Variants in FMN2 observed in about 807,000 individuals in gnomAD.
FMN2 encodes the protein formin 2.
FMN2 carries 51 observed loss-of-function variants against 142.3 expected under a neutral mutation model. The observed-to-expected ratio is 0.36, with a 90% CI of 0.29 to 0.45. The LOEUF (loss-of-function observed/expected upper bound fraction) is 0.45, where lower values mean the gene tolerates loss of function less well. Among genes scored for constraint, FMN2 ranks in the 20% least tolerant of loss-of-function variants. FMN2 has a pLI of 1.00. For missense variants in FMN2, 1,936 were observed against 2,122.8 expected (o/e 0.91, Z 1.73); for synonymous variants, 882 against 869.8 (o/e 1.01, Z -0.25).
intron 2 of FMN2, among the ~76,000 whole-genome samples, chr1:240,125,897 G>A (rs1289009620): frequency 6.6e-6 from 1 of 152,070 alleles, no homozygotes; most frequent in Non-Finnish European, 1.5e-5. Context: ...TTGTGTGAAG[G>A]CATTTCCTCA....
At chr1:240,369,758 C>T (rs913692234) in intron 14 of FMN2, among the ~76,000 whole-genome samples, 4 of 152,166 alleles carry the variant, frequency 2.6e-5, no homozygotes, top group Admixed American at 2.0e-4. Flanking sequence ...TAAATTTTCC[C>T]TCAGGATCTT....
intron 15 of FMN2, among the ~76,000 whole-genome samples, chr1:240,406,944 T>G (rs1024485450): frequency 1.3e-5 from 2 of 152,146 alleles, no homozygotes; most frequent in Non-Finnish European, 1.5e-5. Flanking sequence ...TTGTTTAAAT[T>G]GAAGTTTTTT....
intron 16 of FMN2, among the ~76,000 whole-genome samples, chr1:240,453,089 A>G (rs1329644195): frequency 1.3e-5 from 2 of 152,186 alleles, no homozygotes; most frequent in East Asian, 3.8e-4. Flanking sequence ...ATACGCACCC[A>G]ATTGCTGAAG....
intron 8 of FMN2, among the ~76,000 whole-genome samples, chr1:240,319,921 A>G (rs986893500): frequency 9.2e-5 from 14 of 151,980 alleles, no homozygotes; most frequent in African/African-American, 3.4e-4. Context: ...AGCGTTAATG[A>G]TTTTTTTCCC....
intron 13 of FMN2, among the ~76,000 whole-genome samples, chr1:240,338,395 G>A (rs1671634028): frequency 6.6e-6 from 1 of 152,166 alleles, no homozygotes; most frequent in African/African-American, 2.4e-5. Context: ...TTTGAGGACA[G>A]GAAACAAATA....
intron 16 of FMN2, among the ~76,000 whole-genome samples, chr1:240,456,419 A>T (rs146252842): frequency 2.6e-5 from 4 of 152,186 alleles, no homozygotes; most frequent in Non-Finnish European, 4.4e-5. Context: ...TATGCTCCAT[A>T]TTCCTATCTG....
At chr1:240,301,418 T>A (rs1439211844) in intron 8 of FMN2, among the ~76,000 whole-genome samples, 1 of 151,918 alleles carries the variant, frequency 6.6e-6, no homozygotes, top group Admixed American at 6.5e-5. Context: ...ATAGTTTTTT[T>A]ATATTTAGCT....
chr1:240,472,383 C>T lies in FMN2; in HGVS notation c.5072C>T (p.Ala1691Val), dbSNP rs183078344. Residue 1691 changes from alanine (A) to valine (V), a missense_variant, in exon 17 of 18, where the codon GCC (alanine) becomes GTC (valine). Ala to Val is a moderately conservative substitution (Grantham distance 64, BLOSUM62 0). This residue lies in a region of FMN2 where 322 missense variants were observed against 401.6 expected (regional missense o/e 0.80). Transcript: ENST00000319653. ...KLLLQERVKE[A>V]EEVCRQKKGK... The stretch of plus-strand genomic sequence containing the variant: ...CTTCTCCCCATCAGAGTAAAAGAAG[C>T]CGAAGAGGTGTGTAGACAGAAGAAA... 26 of 1,611,188 alleles carry T rather than the reference C, an allele frequency of 1.6e-5. No homozygotes were observed. Among genetic ancestry groups the T allele is most frequent in the African/African-American group, 2.7e-5 (2 of 74,894 alleles).
intron 15 of FMN2, among the ~76,000 whole-genome samples, chr1:240,401,527 C>T (rs1362786769): frequency 6.6e-6 from 1 of 152,220 alleles, no homozygotes; most frequent in East Asian, 1.9e-4. Flanking sequence ...CTCAGTGATG[C>T]TGTAACAGCC....
At position 240,356,004 on chromosome 1, in the gene FMN2, A is replaced by G. The variant is rs565862585; in HGVS notation, c.4858+96A>G. ...AAAAAAAAGCTACAAGGCATTGTTT[A>G]AAAAATACATATTGCTTTAAAAGGG... On this transcript the variant is annotated intron_variant, in intron 14 of 17. Transcript: ENST00000319653. 8 of 769,716 alleles carry G rather than the reference A, an allele frequency of 1.0e-5. No homozygotes were observed. In the East Asian group the frequency reaches 2.2e-4, roughly 21 times the overall value. 47.7% of individuals were successfully genotyped at this position (769,716 alleles called of 1,614,324 possible). A position where few individuals can be genotyped will look rare whatever the true frequency, so the allele number is the denominator to read the frequency against.
At chr1:240,472,260 T>G in intron 16 of FMN2, 112 bp from the exon 17 acceptor site, 1 of 749,914 alleles carries the variant, frequency 1.3e-6, no homozygotes, top group East Asian at 2.6e-5. Flanking sequence ...ATTGTATTAT[T>G]TTCTGCAGTA....
chr1:240,265,904 C>T (rs1268116191), intron 7 of FMN2, among the ~76,000 whole-genome samples: 2 of 138,856 alleles, frequency 1.4e-5, no homozygotes, highest in Non-Finnish European at 3.0e-5. Flanking sequence ...AGAGAGATAA[C>T]TTAAAGGGGT....
At chr1:240,460,294 G>C (rs1676404617) in intron 16 of FMN2, among the ~76,000 whole-genome samples, 1 of 152,172 alleles carries the variant, frequency 6.6e-6, no homozygotes, top group South Asian at 2.1e-4. Context: ...CAGTCTTTCA[G>C]AATCAAATGA....
intron 6 of FMN2, among the ~76,000 whole-genome samples, chr1:240,257,127 G>C (rs374510095): frequency 1.1e-4 from 16 of 152,286 alleles, no homozygotes; most frequent in African/African-American, 3.4e-4. Context: ...CACACGATCA[G>C]GCCTGGGATA....
intron 6 of FMN2, among the ~76,000 whole-genome samples, chr1:240,215,090 CT>C (rs1384005708): frequency 6.6e-6 from 1 of 152,034 alleles, no homozygotes; most frequent in African/African-American, 2.4e-5. Context: ...TTCATCCGCA[CT>C]CATTAGCAGG....
chr1:240,326,799 T>G (rs1427252870), intron 8 of FMN2, among the ~76,000 whole-genome samples: 2 of 152,156 alleles, frequency 1.3e-5, no homozygotes, highest in African/African-American at 4.8e-5. Context: ...TAGAAACTCT[T>G]TCCTTTAAGA....
intron 1 of FMN2, among the ~76,000 whole-genome samples, chr1:240,097,577 G>T (rs1044522862): frequency 6.6e-6 from 1 of 152,044 alleles, no homozygotes; most frequent in Non-Finnish European, 1.5e-5. Flanking sequence ...GGATGGTCTT[G>T]ATCTCCTGAC....
intron 8 of FMN2, among the ~76,000 whole-genome samples, chr1:240,311,901 C>CTACA (rs1670616530): frequency 6.6e-6 from 1 of 152,190 alleles, no homozygotes; most frequent in South Asian, 2.1e-4. Flanking sequence ...TCATAGCTCA[C>CTACA]TACAGCCTTG....
intron 16 of FMN2, among the ~76,000 whole-genome samples, chr1:240,442,697 T>A (rs1384591873): frequency 6.6e-6 from 1 of 152,246 alleles, no homozygotes; most frequent in African/African-American, 2.4e-5. Flanking sequence ...ATTTCTAATT[T>A]GCGTCTGATT....
Sources: gnomAD v4.1 joint callset for allele counts (sites outside exome capture counted in the v4.1 genomes callset) on GRCh38, gnomAD v4.1.1 for gene constraint, gnomAD v4.1.1 regional missense constraint, MANE v1.5 for transcripts, NCBI Gene and HGNC (gene_info 2026-07-23, HGNC 2026-07-21) for gene names.